RREB1: variants seen among roughly 807,000 people sequenced by gnomAD.
RREB1 encodes the protein ras-responsive element-binding protein 1.
Under a neutral mutation model 117.8 loss-of-function variants are expected in RREB1, and 27 were observed. That is an observed-to-expected ratio of 0.23 (90% CI 0.17 to 0.32). RREB1 has a LOEUF of 0.32. Among genes scored for constraint, RREB1 ranks in the 10% least tolerant of loss-of-function variants. The pLI, the probability that RREB1 is intolerant of heterozygous loss-of-function variation, is 1.00. For missense variants in RREB1, 2,577 were observed against 2,378.2 expected (o/e 1.08, Z -1.74); for synonymous variants, 1,298 against 1,026.7 (o/e 1.26, Z -5.05).
chr6:7,246,353 CGGCGACATCCCT>C, intron 11 of RREB1, 59 bp from the exon 12 acceptor site: 1 of 1,357,958 alleles, frequency 7.4e-7, no homozygotes, highest in South Asian at 1.5e-5. Context: ...AGCCCATTCC[CGGCGACATCCCT>C]GGCATGGGCG....
At chr6:7,143,693 A>G (rs187826820) in intron 1 of RREB1, among the ~76,000 whole-genome samples, 1 of 152,186 alleles carries the variant, frequency 6.6e-6, no homozygotes, top group East Asian at 1.9e-4. Flanking sequence ...TCGGCTGCTC[A>G]TCATTCGGGT....
At chr6:7,239,415 TC>T (rs2113160526) in intron 10 of RREB1, among the ~76,000 whole-genome samples, 1 of 152,314 alleles carries the variant, frequency 6.6e-6, no homozygotes, top group African/African-American at 2.4e-5. Context: ...TCCTCTCTTT[TC>T]CTCTCCACCT....
In RREB1 at chr6:7,251,504, T is replaced by G. The variant is rs1238316133; in HGVS notation, c.*2536T>G. 1 of 149,588 alleles carries G rather than the reference T, an allele frequency of 6.7e-6. No individual in the cohort carries two copies. Among genetic ancestry groups the G allele is most frequent in the East Asian group, 1.9e-4 (1 of 5,170 alleles). 9.3% of individuals were successfully genotyped at this position (149,588 alleles called of 1,614,324 possible). On this transcript the variant is annotated 3_prime_UTR_variant, in exon 13 of 13. Coordinates refer to ENST00000379938, the MANE Select transcript of RREB1 (RefSeq NM_001003699.4). ...AGTTTTTTCTCTTTTTTTTTTTTTT[T>G]TTTTTTTCTCATTGATTAATGGACA...
At chr6:7,204,039 G>C (rs1440580615) in intron 6 of RREB1, among the ~76,000 whole-genome samples, 4 of 152,328 alleles carry the variant, frequency 2.6e-5, no homozygotes, top group South Asian at 2.1e-4. Flanking sequence ...CCTGGCTGAC[G>C]GCATTCCCAC....
intron 9 of RREB1, 120 bp from the exon 10 acceptor site, chr6:7,228,877 A>G: frequency 1.1e-6 from 1 of 874,146 alleles, no homozygotes; most frequent in Non-Finnish European, 1.6e-6. Flanking sequence ...TCTTTATGTT[A>G]TGGGGAAAGG....
intron 6 of RREB1, among the ~76,000 whole-genome samples, chr6:7,204,076 A>G (rs1027920663): frequency 6.6e-6 from 1 of 152,128 alleles, no homozygotes. Flanking sequence ...GTGGGTTTAC[A>G]CTTCATGCCA....
At chr6:7,163,164 A>G (rs563456535) in intron 1 of RREB1, among the ~76,000 whole-genome samples, 1 of 152,202 alleles carries the variant, frequency 6.6e-6, no homozygotes, top group Non-Finnish European at 1.5e-5. Context: ...GTTTAACTAC[A>G]AGGAATAAAG....
At chr6:7,157,513 G>A (rs1298635826) in intron 1 of RREB1, among the ~76,000 whole-genome samples, 1 of 151,846 alleles carries the variant, frequency 6.6e-6, no homozygotes, top group Non-Finnish European at 1.5e-5. Context: ...GTTCATGCCT[G>A]TAATCCCAGC....
intron 1 of RREB1, among the ~76,000 whole-genome samples, chr6:7,133,305 T>C (rs963995408): frequency 1.3e-5 from 2 of 152,214 alleles, no homozygotes; most frequent in Non-Finnish European, 2.9e-5. Flanking sequence ...CGGGCTTGTA[T>C]GAACTTTTGT....
At chr6:7,197,093 G>C (rs1765714895) in intron 6 of RREB1, among the ~76,000 whole-genome samples, 1 of 152,172 alleles carries the variant, frequency 6.6e-6, no homozygotes, top group African/African-American at 2.4e-5. Flanking sequence ...GAGCTTTGCA[G>C]TTTGCAAAGC....
In RREB1 at chr6:7,229,701, C is replaced by T; in HGVS notation, c.1602C>T (p.Ser534=). ...CTCTCATCAACGCCCAGCAGGCTTCCCCGGGCTGTATCAGCCCCAGCCTGC... is the reference window on the plus strand; with the variant it reads ...CTCTCATCAACGCCCAGCAGGCTTCTCCGGGCTGTATCAGCCCCAGCCTGC... ...PPPLINAQQA[S]PGCISPSLPP... The change falls in exon 10 of 13, where the codon TCC becomes TCT. Residue 534 remains serine, a synonymous_variant. Coordinates refer to ENST00000379938, the MANE Select transcript of RREB1 (RefSeq NM_001003699.4). This position sits in a 1 kb window ranked among gnomAD's most constrained non-coding sequence, Gnocchi z 4.5. 1 of 1,608,382 alleles carries T rather than the reference C, an allele frequency of 6.2e-7. No individual in the cohort carries two copies. Among genetic ancestry groups the T allele is most frequent in the Non-Finnish European group, 8.5e-7 (1 of 1,176,940 alleles).
chr6:7,112,423 T>C (rs571678920), intron 1 of RREB1, among the ~76,000 whole-genome samples: 2 of 152,368 alleles, frequency 1.3e-5, no homozygotes, highest in Admixed American at 6.5e-5. Context: ...TATGTCCAAA[T>C]ATAATTAAGA....
intron 6 of RREB1, among the ~76,000 whole-genome samples, chr6:7,191,497 G>T (rs1299114832): frequency 1.3e-5 from 2 of 152,188 alleles, no homozygotes; most frequent in Non-Finnish European, 2.9e-5. Context: ...GAATGGAATT[G>T]CTGGGTCATA....
chr6:7,231,229 C>T lies in RREB1; in HGVS notation c.3130C>T (p.Pro1044Ser). Residue 1044 changes from proline (P) to serine (S), a missense_variant, in exon 10 of 13, where the codon CCA (proline) becomes TCA (serine). Pro to Ser is a moderately conservative substitution (Grantham distance 74). Coordinates refer to ENST00000379938, the MANE Select transcript of RREB1 (RefSeq NM_001003699.4). ...ALLSGTALLR[P>S]LRPKPPLLLP... Reference sequence around the variant, plus strand: ...CCTGAGTGGCACAGCCTTGCTGCGTCCACTGCGGCCCAAGCCCCCGCTGCT... The same window carrying T: ...CCTGAGTGGCACAGCCTTGCTGCGTTCACTGCGGCCCAAGCCCCCGCTGCT... The T allele has an allele frequency of 6.2e-7, 1 of 1,612,528 alleles. No individual in the cohort carries two copies. The highest frequency in any genetic ancestry group is 8.5e-7 in the Non-Finnish European group (1 of 1,179,750).
At chr6:7,170,252 T>A (rs1764147844) in intron 1 of RREB1, among the ~76,000 whole-genome samples, 1 of 152,190 alleles carries the variant, frequency 6.6e-6, no homozygotes, top group South Asian at 2.1e-4. Context: ...CTCCACCCTC[T>A]GGTCCCATTA....
rs937904818 is a variant in RREB1 at position 7,117,761 on chromosome 6, G to T, written c.-285+9701G>T. Among the ~76,000 whole-genome samples the T allele has an allele frequency of 3.3e-5, 5 of 152,016 alleles. No homozygotes were observed. The South Asian group carries it at 8.3e-4, about 25-fold the overall frequency. Reference sequence around the variant, plus strand: ...TATTTTTTATTTTTTTGGAGACAGGGTCTCTCTATGTTGCTCATGCTGGTC... The same window carrying T: ...TATTTTTTATTTTTTTGGAGACAGGTTCTCTCTATGTTGCTCATGCTGGTC... On this transcript the variant is annotated intron_variant, in intron 1 of 12. Transcript: ENST00000379938.
At chr6:7,245,905 T>C (rs182833653) in intron 11 of RREB1, among the ~76,000 whole-genome samples, 7 of 152,196 alleles carry the variant, frequency 4.6e-5, no homozygotes, top group Admixed American at 4.6e-4. Flanking sequence ...GTGCATACCA[T>C]ACACACACAA....
rs1348637265 is a variant in RREB1, at chr6:7,249,512, T to C, written c.*544T>C. 1 of 152,866 alleles carries C rather than the reference T, an allele frequency of 6.5e-6. No homozygotes were observed. Among genetic ancestry groups the C allele is most frequent in the Non-Finnish European group, 1.5e-5 (1 of 68,236 alleles). 9.5% of individuals were successfully genotyped at this position (152,866 alleles called of 1,614,324 possible). A position where few individuals can be genotyped will look rare whatever the true frequency, so the allele number is the denominator to read the frequency against. On this transcript the variant is annotated 3_prime_UTR_variant, in exon 13 of 13. Coordinates refer to ENST00000379938, the MANE Select transcript of RREB1 (RefSeq NM_001003699.4). Reference sequence around the variant, plus strand: ...ATTTCTTAAATAGACATTTTCCTTTTTTCTTTGTGCTTCATGGTGGAGCTG... The same window carrying C: ...ATTTCTTAAATAGACATTTTCCTTTCTTCTTTGTGCTTCATGGTGGAGCTG...
intron 1 of RREB1, among the ~76,000 whole-genome samples, chr6:7,130,929 CTTTTTTTTTTTTTT>C (rs61305060): frequency 2.8e-4 from 13 of 45,758 alleles, no homozygotes; most frequent in African/African-American, 1.1e-3. Context: ...ATAGTCATGT[CTTTTTTTTTTTTTT>C]TTTTTTTTTT....
Sources: allele counts gnomAD v4.1 joint callset (sites outside exome capture counted in the v4.1 genomes callset), GRCh38; gene constraint gnomAD v4.1.1; non-coding constraint Gnocchi (gnomAD v3.1); transcripts MANE v1.5; gene names NCBI Gene and HGNC (gene_info 2026-07-23, HGNC 2026-07-21).